Variants in NFAT5 observed in about 807,000 individuals in gnomAD.
The protein encoded by NFAT5 is nuclear factor of activated T-cells 5.
NFAT5 carries 31 observed loss-of-function variants against 166.5 expected under a neutral mutation model. That is an observed-to-expected ratio of 0.19 (90% CI 0.14 to 0.25). NFAT5 has a LOEUF of 0.25. NFAT5 is among the 10% of genes least tolerant of loss of function. The pLI, the probability that NFAT5 is intolerant of heterozygous loss-of-function variation, is 1.00. For synonymous variants in NFAT5, 612 were observed against 639.7 expected (o/e 0.96, Z 0.65); for missense variants, 1,449 against 1,821.8 (o/e 0.80, Z 3.72).
chr16:69,692,857 C>T lies in NFAT5; in HGVS notation c.3032C>T (p.Thr1011Ile). ...TCAAGTTCAGGAGATGGAGAAGAAA[C>T]TGGAACACAAGCAAAACAGATTCAG... ...QTSSSGDGEE[T>I]GTQAKQIQNS... The change falls in exon 13 of 15, where the codon ACT becomes ATT. Residue 1011 changes from threonine (T) to isoleucine (I), a missense_variant. Transcript: ENST00000349945. The T allele has an allele frequency of 6.2e-7, 1 of 1,614,208 alleles. No homozygotes were observed. The highest frequency in any genetic ancestry group is 1.1e-5 in the South Asian group (1 of 91,086).
chr16:69,677,309 A>C lies in NFAT5; in HGVS notation c.1664A>C (p.Gln555Pro). The stretch of plus-strand genomic sequence containing the variant: ...AATGCTGGAAGATCTCATGATGTTC[A>C]ACCATTCACTTACACTCCAGACCCA... Reference protein sequence around the residue: ...VTNAGRSHDVQPFTYTPDPAA... With the variant: ...VTNAGRSHDVPPFTYTPDPAA... The change falls in exon 10 of 15, where the codon CAA (glutamine) becomes CCA (proline). Residue 555 changes from glutamine (Q) to proline (P), a missense_variant. Gln to Pro is a moderately conservative substitution (Grantham distance 76). Around this residue, in one of 7 missense-constraint regions of NFAT5, gnomAD observed 245 missense variants for 366.6 expected, o/e 0.67. Coordinates refer to ENST00000349945, the MANE Select transcript of NFAT5 (RefSeq NM_138713.4). 1 of 1,610,002 alleles carries C rather than the reference A, an allele frequency of 6.2e-7. No homozygotes were observed. Among genetic ancestry groups the C allele is most frequent in the Non-Finnish European group, 8.5e-7 (1 of 1,178,748 alleles).
At chr16:69,638,729 C>T (rs553941446) in intron 3 of NFAT5, among the ~76,000 whole-genome samples, 249 of 123,522 alleles carry the variant, frequency 2.0e-3, no homozygotes, top group African/African-American at 7.5e-3. Flanking sequence ...GAGAGAGACT[C>T]GGTCTCAAAA....
intron 2 of NFAT5, among the ~76,000 whole-genome samples, chr16:69,617,341 A>T (rs943359108): frequency 6.6e-6 from 1 of 152,196 alleles, no homozygotes; most frequent in Non-Finnish European, 1.5e-5. Context: ...TGGATTCTTG[A>T]TAACTAGAGA....
intron 2 of NFAT5, among the ~76,000 whole-genome samples, chr16:69,587,769 AATTT>A (rs1334863485): frequency 4.6e-5 from 7 of 152,072 alleles, no homozygotes; most frequent in Admixed American, 3.9e-4. Context: ...CACAGCTGAC[AATTT>A]ATTTGAGAAT....
chr16:69,591,923 C>T (rs1170684576), intron 2 of NFAT5, among the ~76,000 whole-genome samples: 1 of 151,962 alleles, frequency 6.6e-6, no homozygotes, highest in Non-Finnish European at 1.5e-5. Context: ...GAATGAGACC[C>T]TGTCTTGATT....
intron 7 of NFAT5, among the ~76,000 whole-genome samples, 154 bp downstream of exon 7, chr16:69,660,053 G>T (rs922606691): frequency 6.6e-6 from 1 of 152,168 alleles, no homozygotes; most frequent in African/African-American, 2.4e-5. Context: ...AGATTTTCTA[G>T]ACCAAACTAG....
chr16:69,684,296 C>A (rs1339735054), intron 10 of NFAT5, among the ~76,000 whole-genome samples: 1 of 147,738 alleles, frequency 6.8e-6, no homozygotes, highest in Admixed American at 6.8e-5. Flanking sequence ...CACGGTGGCT[C>A]ACACCTGTAA....
At chr16:69,568,572 C>T in intron 2 of NFAT5, 24 bp downstream of exon 2, 26 of 1,596,102 alleles carry the variant, frequency 1.6e-5, no homozygotes, top group Non-Finnish European at 2.2e-5. Context: ...CATTTTAAAG[C>T]ATATTGTGTT....
intron 2 of NFAT5, among the ~76,000 whole-genome samples, chr16:69,601,622 C>A (rs539729877): frequency 6.6e-6 from 1 of 152,310 alleles, no homozygotes; most frequent in East Asian, 1.9e-4. Flanking sequence ...GATCCTCCTG[C>A]CTTGGCCTCT....
intron 2 of NFAT5, among the ~76,000 whole-genome samples, chr16:69,596,621 C>T (rs532537571): frequency 6.0e-5 from 9 of 150,724 alleles, no homozygotes; most frequent in African/African-American, 2.0e-4. Flanking sequence ...AGGAGGCTGA[C>T]GCAGGAGAAT....
In NFAT5 at chr16:69,700,772, C is replaced by T. The variant is rs1169037683; in HGVS notation, c.*4421C>T. On this transcript the variant is annotated 3_prime_UTR_variant, in exon 15 of 15. Transcript: ENST00000349945. ...AGAAAAATAACTCATAGTATATACC[C>T]TAGTAAGTGGGTTAGTAGAATCTCA... The T allele has an allele frequency of 6.6e-6, 1 of 152,076 alleles. No individual in the cohort carries two copies. The highest frequency in any genetic ancestry group is 2.4e-5 in the African/African-American group (1 of 41,412). The allele number at this position is 152,076 out of a possible 1,614,324, so 9.4% of individuals were successfully genotyped here.
At chr16:69,580,332 A>C (rs1470605467) in intron 2 of NFAT5, among the ~76,000 whole-genome samples, 2 of 152,072 alleles carry the variant, frequency 1.3e-5, no homozygotes, top group Admixed American at 1.3e-4. Flanking sequence ...GTTCAAGACC[A>C]GCCTGGGCAA....
chr16:69,627,323 CATATATATATATATATATATATAT>C lies in NFAT5; in HGVS notation c.253+832_253+855del, dbSNP rs10524659. ...GTGTGTTTGTTTTAAAAAAAGGAAACATATATATATATATATATATATATATATATATATATATATATATATATA... is the reference window on the plus strand; with the variant it reads ...GTGTGTTTGTTTTAAAAAAAGGAAACATATATATATATATATATATATATA... On this transcript the variant is annotated intron_variant, in intron 3 of 14. Coordinates refer to ENST00000349945, the MANE Select transcript of NFAT5 (RefSeq NM_138713.4). Among the ~76,000 whole-genome samples, 332 of 128,832 alleles carry C rather than the reference CATATATATATATATATATATATAT, an allele frequency of 2.6e-3. 5 individuals carry two copies. Among genetic ancestry groups the C allele is most frequent in the South Asian group, 4.6e-3 (18 of 3,884 alleles). 84.5% of individuals were successfully genotyped at this position (128,832 alleles called of 152,430 possible).
intron 2 of NFAT5, among the ~76,000 whole-genome samples, chr16:69,587,542 C>A (rs1438793465): frequency 6.6e-6 from 1 of 151,404 alleles, no homozygotes; most frequent in Non-Finnish European, 1.5e-5. Flanking sequence ...GGCGCCGCCA[C>A]TATGCCGGGC....
At chr16:69,674,122 A>C (rs1215230717) in intron 9 of NFAT5, among the ~76,000 whole-genome samples, 1 of 151,910 alleles carries the variant, frequency 6.6e-6, no homozygotes, top group African/African-American at 2.4e-5. Flanking sequence ...ATATGCCTGT[A>C]ATCCCAGCTA....
Position 69,566,338 on chromosome 16 carries a change from CT to C in NFAT5, c.38del (p.Leu13GlnfsTer15). 6.2e-7 allele frequency: 1 copy of C among 1,608,452 alleles called. No homozygotes were observed. Among genetic ancestry groups the C allele is most frequent in the Non-Finnish European group, 8.5e-7 (1 of 1,178,170 alleles). On this transcript the variant is annotated frameshift_variant, in exon 1 of 15. Coordinates refer to ENST00000349945, the MANE Select transcript of NFAT5 (RefSeq NM_138713.4). LOFTEE classifies it high-confidence loss of function. This position sits in a 1 kb window ranked among gnomAD's most constrained non-coding sequence, Gnocchi z 5.7. ...SDFISLLSAD[L>X]DLESPKSLYS... ...CTTCATCTCATTGCTCAGCGCGGAC[CT>C]AGACCTGGAATCGCCCAAGTCCCTC... is the stretch of plus-strand genomic sequence containing the variant.
intron 3 of NFAT5, among the ~76,000 whole-genome samples, chr16:69,638,961 C>CT (rs2035090317): frequency 1.3e-5 from 2 of 152,008 alleles, no homozygotes; most frequent in Non-Finnish European, 2.9e-5. Context: ...GTCTCTCTCT[C>CT]TTTTTAGCCT....
In NFAT5 at chr16:69,651,014, A is replaced by G. The variant is rs79282502; in HGVS notation, c.813-2222A>G. On this transcript the variant is annotated intron_variant, in intron 4 of 14. Coordinates refer to ENST00000349945, the MANE Select transcript of NFAT5 (RefSeq NM_138713.4). ...CAGCTTCAACTTGATACTTATGTTC[A>G]TAGAATTTATTCTTCCAGGGCCTTT... is the stretch of plus-strand genomic sequence containing the variant. 5.3e-5 allele frequency among the ~76,000 whole-genome samples: 8 copies of G among 152,342 alleles called. No homozygotes were observed. In the East Asian group the frequency reaches 1.5e-3, roughly 29 times the overall value.
intron 9 of NFAT5, among the ~76,000 whole-genome samples, chr16:69,671,408 G>C (rs1250464187): frequency 6.6e-6 from 1 of 152,166 alleles, no homozygotes; most frequent in African/African-American, 2.4e-5. Context: ...GTCTTGCTCT[G>C]TCGCCAGGCT....
Sources: gnomAD v4.1 joint callset for allele counts (sites outside exome capture counted in the v4.1 genomes callset) on GRCh38, gnomAD v4.1.1 for gene constraint, gnomAD v4.1.1 regional missense constraint, Gnocchi (gnomAD v3.1) non-coding constraint, MANE v1.5 for transcripts, NCBI Gene and HGNC (gene_info 2026-07-23, HGNC 2026-07-21) for gene names.